Variants in AKR1C4 observed in about 807,000 individuals in gnomAD.
AKR1C4 encodes aldo-keto reductase family 1 member C4.
A neutral mutation model predicts 41.0 loss-of-function variants in AKR1C4; 44 were observed. That is an observed-to-expected ratio of 1.07 (90% confidence interval 0.84 to 1.38). AKR1C4 has a LOEUF of 1.38. Ranked by LOEUF, AKR1C4 falls within the 40% of genes most tolerant of loss-of-function variation. The pLI is 0.00. For synonymous variants in AKR1C4, 165 were observed against 137.7 expected (o/e 1.20, Z -1.39); for missense variants, 438 against 387.9 (o/e 1.13, Z -1.09).
intron 3 of AKR1C4, among the ~76,000 whole-genome samples, chr10:5,205,441 G>A (rs991841732): frequency 6.6e-6 from 1 of 152,140 alleles, no homozygotes; most frequent in African/African-American, 2.4e-5. Flanking sequence ...GATATCAAGG[G>A]CTGTTTGAGT....
chr10:5,216,603 A>C, intron 7 of AKR1C4, 108 bp from the exon 8 acceptor site: 1 of 716,284 alleles, frequency 1.4e-6, no homozygotes, highest in Non-Finnish European at 2.3e-6. Context: ...TTGGAAACTT[A>C]TCAAGTATTT....
At chr10:5,202,378 ATTTG>A (rs1221755507) in intron 2 of AKR1C4, 3 of 403,286 alleles carry the variant, frequency 7.4e-6, no homozygotes, top group South Asian at 1.9e-5. Context: ...ACTTTACTGA[ATTTG>A]TTTGTCGGAG....
At position 5,206,378 on chromosome 10, in the gene AKR1C4, A is replaced by T. The variant is rs140081411; in HGVS notation, c.551A>T (p.Tyr184Phe). ...ATCCTCAACAAGCCAGGACTCAAGT[A>T]CAAGCCTGTCTGCAACCAGGTGAGC... is the stretch of plus-strand genomic sequence containing the variant. ...EMILNKPGLK[Y>F]KPVCNQVECH... Residue 184 changes from tyrosine (Y) to phenylalanine (F), a missense_variant, in exon 5 of 9, where the codon TAC becomes TTC. Coordinates refer to ENST00000263126, the MANE Select transcript of AKR1C4 (RefSeq NM_001818.5). The T allele has an allele frequency of 1.9e-6, 3 of 1,613,978 alleles. No homozygotes were observed. The African/African-American group carries it at 4.0e-5, about 22-fold the overall frequency.
At chr10:5,208,338 C>G (rs1192270699) in intron 5 of AKR1C4, among the ~76,000 whole-genome samples, 1 of 151,520 alleles carries the variant, frequency 6.6e-6, no homozygotes, top group Non-Finnish European at 1.5e-5. Flanking sequence ...TAATATAATA[C>G]AAAATCATGA....
chr10:5,216,178 G>A (rs1239447605), intron 7 of AKR1C4, among the ~76,000 whole-genome samples: 4 of 152,092 alleles, frequency 2.6e-5, no homozygotes, highest in African/African-American at 7.2e-5. Context: ...AAAATGTCAG[G>A]CTCCTTTTTA....
Position 5,200,196 on chromosome 10 carries a change from G to T in AKR1C4, c.100G>T (p.Ala34Ser). 6.2e-7 allele frequency: 1 copy of T among 1,613,802 alleles called. No homozygotes were observed. The highest frequency in any genetic ancestry group is 1.1e-5 in the South Asian group (1 of 91,006). The change falls in exon 2 of 9, where the codon GCT becomes TCT. Residue 34 changes from alanine (A) to serine (S), a missense_variant. Transcript: ENST00000263126. ...YAPPEVPRNR[A>S]VEVTKLAIEA... ...GCTCCTTCAGGTTCCGAGGAACAGAGCTGTAGAGGTCACCAAATTAGCAAT... is the reference window on the plus strand; with the variant it reads ...GCTCCTTCAGGTTCCGAGGAACAGATCTGTAGAGGTCACCAAATTAGCAAT...
At position 5,212,599 on chromosome 10, in the gene AKR1C4, C is replaced by A; in HGVS notation, c.571-17C>A. 3 of 1,595,720 alleles carry A rather than the reference C, an allele frequency of 1.9e-6. No homozygotes were observed. Among genetic ancestry groups the A allele is most frequent in the East Asian group, 2.2e-5 (1 of 44,700 alleles). On this transcript the variant is annotated splice_polypyrimidine_tract_variant and intron_variant, in intron 5 of 8. Transcript: ENST00000263126. ...GTTTTGAATTATCTGATGCTTTTCT[C>A]TCTTGATCATCTAAAGGTAGAATGT... is the stretch of plus-strand genomic sequence containing the variant.
At chr10:5,198,708 A>G (rs573572546) in intron 1 of AKR1C4, among the ~76,000 whole-genome samples, 1 of 152,246 alleles carries the variant, frequency 6.6e-6, no homozygotes, top group African/African-American at 2.4e-5. Flanking sequence ...ATTTCACTAT[A>G]TTAAAAATAA....
chr10:5,201,567 A>G (rs1351735104), intron 2 of AKR1C4, among the ~76,000 whole-genome samples: 3 of 152,136 alleles, frequency 2.0e-5, no homozygotes, highest in African/African-American at 7.2e-5. Flanking sequence ...GTTTACTCGC[A>G]TGATTATTTC....
chr10:5,210,436 ACTAGGTGGTGCCC>A (rs553224805), intron 5 of AKR1C4, among the ~76,000 whole-genome samples: 1 of 152,240 alleles, frequency 6.6e-6, no homozygotes, highest in Admixed American at 6.5e-5. Flanking sequence ...TCAGAGCTCC[ACTAGGTGGTGCCC>A]CAGCAGGGAC....
At chr10:5,200,471 C>T (rs1832383340) in intron 2 of AKR1C4, 123 bp downstream of exon 2, 2 of 1,434,646 alleles carry the variant, frequency 1.4e-6, no homozygotes, top group Non-Finnish European at 1.8e-6. Context: ...TTTATTCACA[C>T]ATATTCAGGT....
rs541342230 is a variant in AKR1C4 at position 5,210,758 on chromosome 10, C to T, written c.571-1858C>T. 1.1e-4 allele frequency among the ~76,000 whole-genome samples: 17 copies of T among 152,184 alleles called. No individual in the cohort carries two copies. The South Asian group carries it at 3.1e-3, about 28-fold the overall frequency. On this transcript the variant is annotated intron_variant, in intron 5 of 8. Transcript: ENST00000263126. Reference sequence around the variant, plus strand: ...TCCAGAGTAGCTGGGATTACAGGCACGTGCCACCACACCTGGCTAATTTTT... The same window carrying T: ...TCCAGAGTAGCTGGGATTACAGGCATGTGCCACCACACCTGGCTAATTTTT...
intron 5 of AKR1C4, chr10:5,207,548 C>T (rs1184286865): frequency 3.2e-6 from 2 of 620,142 alleles, no homozygotes; most frequent in African/African-American, 1.9e-5. Context: ...CCTGTACTTA[C>T]AGGTGCTAAG....
At chr10:5,211,982 A>G (rs1188854077) in intron 5 of AKR1C4, among the ~76,000 whole-genome samples, 2 of 152,196 alleles carry the variant, frequency 1.3e-5, no homozygotes, top group Non-Finnish European at 2.9e-5. Flanking sequence ...AACACAGGAA[A>G]GACCCATTCC....
intron 1 of AKR1C4, among the ~76,000 whole-genome samples, chr10:5,197,407 G>A (rs575391245): frequency 6.6e-6 from 1 of 152,316 alleles, no homozygotes; most frequent in East Asian, 1.9e-4. Flanking sequence ...TGTTGGGAGA[G>A]TACTGCTGAG....
intron 1 of AKR1C4, among the ~76,000 whole-genome samples, chr10:5,198,324 C>T (rs147974169): frequency 1.3e-4 from 20 of 152,224 alleles, no homozygotes; most frequent in East Asian, 5.8e-4. Context: ...CCCGTAGATG[C>T]GCCTGTTTTC....
intron 7 of AKR1C4, among the ~76,000 whole-genome samples, chr10:5,213,749 G>C (rs910636388): frequency 2.0e-5 from 3 of 152,106 alleles, no homozygotes; most frequent in Non-Finnish European, 4.4e-5. Flanking sequence ...GTCTCGTCCT[G>C]TTTCTGGCTG....
At chr10:5,205,625 T>G in intron 3 of AKR1C4, 132 bp from the exon 4 acceptor site, 1 of 616,000 alleles carries the variant, frequency 1.6e-6, no homozygotes, top group Non-Finnish European at 2.7e-6. Context: ...CGTGAAACAC[T>G]TGGCCCACAT....
chr10:5,214,404 A>G (rs1403436061), intron 7 of AKR1C4, among the ~76,000 whole-genome samples: 18 of 152,150 alleles, frequency 1.2e-4, no homozygotes, highest in African/African-American at 3.9e-4. Flanking sequence ...CTAGTCCTGA[A>G]TGAGTGTTCT....
Sources: gnomAD v4.1 joint callset for allele counts (sites outside exome capture counted in the v4.1 genomes callset) on GRCh38, gnomAD v4.1.1 for gene constraint, MANE v1.5 for transcripts, NCBI Gene and HGNC (gene_info 2026-07-23, HGNC 2026-07-21) for gene names.